Variants in BCL2L14 observed in about 807,000 individuals in gnomAD.
BCL2L14 encodes BCL2 like 14, also known as apoptosis facilitator Bcl-2-like protein 14.
Under a neutral mutation model 35.3 loss-of-function variants are expected in BCL2L14, and 27 were observed. That is an observed-to-expected ratio of 0.76 (90% CI 0.56 to 1.05). BCL2L14 has a LOEUF of 1.05. BCL2L14 is among the 50% of genes least tolerant of loss of function. BCL2L14 has a pLI of 0.00. For missense variants in BCL2L14, 377 were observed against 382.6 expected, an observed-to-expected ratio of 0.99 and a Z score of 0.12; for synonymous variants, 139 against 145.9, an observed-to-expected ratio of 0.95 and a Z score of 0.34.
At chr12:12,065,106 A>G (rs1948578860) in intron 2 of BCL2L14, among the ~76,000 whole-genome samples, 1 of 152,232 alleles carries the variant, frequency 6.6e-6, no homozygotes, top group Non-Finnish European at 1.5e-5. Flanking sequence ...TAGATTAACA[A>G]AAGAAAAACA....
At chr12:12,080,513 G>A (rs373369930) in intron 2 of BCL2L14, among the ~76,000 whole-genome samples, 8 of 151,928 alleles carry the variant, frequency 5.3e-5, no homozygotes, top group Middle Eastern at 3.4e-3. Flanking sequence ...CCAGCTACTC[G>A]GGAGGCTGGG....
At chr12:12,056,421 A>C (rs1948433596) in intron 2 of BCL2L14, among the ~76,000 whole-genome samples, 1 of 152,192 alleles carries the variant, frequency 6.6e-6, no homozygotes, top group Non-Finnish European at 1.5e-5. Context: ...CCTCATCTAT[A>C]GTAAGAAGCA....
upstream of BCL2L14, among the ~76,000 whole-genome samples, chr12:12,068,642 G>A (rs910266186): frequency 2.7e-5 from 4 of 150,584 alleles, no homozygotes; most frequent in Non-Finnish European, 4.4e-5. Flanking sequence ...CACTACATGC[G>A]TGAGTCATGC....
chr12:12,068,130 G>C, upstream of BCL2L14: 4 of 398,380 alleles, frequency 1.0e-5, no homozygotes, highest in Non-Finnish European at 1.8e-5. Context: ...TTTTTGTAGT[G>C]ATGGGGTTAT....
At chr12:12,097,083 T>G (rs1949329983) in intron 5 of BCL2L14, among the ~76,000 whole-genome samples, 1 of 152,108 alleles carries the variant, frequency 6.6e-6, no homozygotes, top group Admixed American at 6.6e-5. Flanking sequence ...AGGCGGAGCT[T>G]GCAGTGAGCC....
chr12:12,094,674 A>G lies in BCL2L14; in HGVS notation c.689A>G (p.Asp230Gly). The G allele has an allele frequency of 6.2e-7, 1 of 1,614,224 alleles. No individual in the cohort carries two copies. Among genetic ancestry groups the G allele is most frequent in the Non-Finnish European group, 8.5e-7 (1 of 1,180,036 alleles). The change falls in exon 5 of 6, where the codon GAT (aspartate) becomes GGT (glycine). Residue 230 changes from aspartate (D) to glycine (G), a missense_variant. Asp to Gly is a moderately conservative substitution (Grantham distance 94, BLOSUM62 -1). Coordinates refer to ENST00000308721, the MANE Select transcript of BCL2L14 (RefSeq NM_138723.2). ...TTCTTTTGTACACAGCTGAAGAAAG[A>G]TAAGGCTTTGATGGGCCACTTCCAG... Reference protein sequence around the residue: ...GDQLERKLKKDKALMGHFQDG... With the variant: ...GDQLERKLKKGKALMGHFQDG...
intron 5 of BCL2L14, chr12:12,095,472 C>T (rs1490321655): frequency 1.0e-6 from 1 of 985,216 alleles, no homozygotes; most frequent in Admixed American, 6.2e-5. Context: ...TGGTATCAGT[C>T]AAAACAGACC....
chr12:12,070,912 T>A (rs1948659535), upstream of BCL2L14: 1 of 152,102 alleles, frequency 6.6e-6, no homozygotes, highest in Non-Finnish European at 1.5e-5. Flanking sequence ...CAGGGCGTAA[T>A]AAGGAAGTGG....
At chr12:12,060,244 G>C (rs1948502245) in intron 2 of BCL2L14, among the ~76,000 whole-genome samples, 1 of 151,448 alleles carries the variant, frequency 6.6e-6, no homozygotes, top group Non-Finnish European at 1.5e-5. Context: ...AAGGTGGCTG[G>C]AGCTAAATTA....
intron 3 of BCL2L14, among the ~76,000 whole-genome samples, chr12:12,090,009 C>A (rs546929815): frequency 6.6e-6 from 1 of 152,214 alleles, no homozygotes; most frequent in Admixed American, 6.5e-5. Flanking sequence ...TGGCTCTATA[C>A]TTTCTAGCAA....
At chr12:12,078,267 G>T (rs1948824991) in intron 1 of BCL2L14, among the ~76,000 whole-genome samples, 1 of 152,154 alleles carries the variant, frequency 6.6e-6, no homozygotes, top group African/African-American at 2.4e-5. Context: ...AAGAGAGAGA[G>T]AGAGGAGAGA....
At chr12:12,063,277 A>G (rs542003948) in intron 2 of BCL2L14, among the ~76,000 whole-genome samples, 51 of 151,142 alleles carry the variant, frequency 3.4e-4, no homozygotes, top group African/African-American at 1.1e-3. Context: ...TAACTCTTGA[A>G]GTAAATAAAT....
intron 2 of BCL2L14, among the ~76,000 whole-genome samples, chr12:12,082,746 C>T (rs1299160020): frequency 6.6e-6 from 1 of 152,086 alleles, no homozygotes; most frequent in African/African-American, 2.4e-5. Context: ...AAAATGATTA[C>T]CTCCTAAGAA....
At chr12:12,092,570 A>G (rs1301958657) in intron 4 of BCL2L14, among the ~76,000 whole-genome samples, 1 of 152,140 alleles carries the variant, frequency 6.6e-6, no homozygotes, top group African/African-American at 2.4e-5. Flanking sequence ...TGCACCCGAG[A>G]GGGACAGGCA....
In BCL2L14 at chr12:12,099,020, G is replaced by A; in HGVS notation, c.*32G>A. 6.5e-7 allele frequency: 1 copy of A among 1,529,624 alleles called. No individual in the cohort carries two copies. The highest frequency in any genetic ancestry group is 9.1e-7 in the Non-Finnish European group (1 of 1,103,200). 94.8% of individuals were successfully genotyped at this position (1,529,624 alleles called of 1,614,324 possible). A position where few individuals can be genotyped will look rare whatever the true frequency, so the allele number is the denominator to read the frequency against. ...AGATTTGTCATCAGGAATACTCTTT[G>A]TCTACTGTGGTCCTGTGCACGTTGG... On this transcript the variant is annotated 3_prime_UTR_variant, in exon 6 of 6. Transcript: ENST00000308721.
At chr12:12,081,182 A>T (rs1317300513) in intron 2 of BCL2L14, among the ~76,000 whole-genome samples, 3 of 152,028 alleles carry the variant, frequency 2.0e-5, no homozygotes, top group Non-Finnish European at 4.4e-5. Flanking sequence ...GTGAGAGCCC[A>T]TCACGTCGAT....
chr12:12,061,423 G>T (rs1310270265), intron 2 of BCL2L14, among the ~76,000 whole-genome samples: 1 of 151,934 alleles, frequency 6.6e-6, no homozygotes, highest in Non-Finnish European at 1.5e-5. Flanking sequence ...GTTGTCACTC[G>T]CCTGCTACAG....
Position 12,079,309 on chromosome 12 carries a change from T to A in BCL2L14, c.4T>A (p.Cys2Ser), listed in dbSNP as rs971462263. Residue 2 changes from cysteine (C) to serine (S), a missense_variant, in exon 2 of 6, where the codon TGT becomes AGT. By Grantham distance (112) the Cys-to-Ser change is moderately radical. Coordinates refer to ENST00000308721, the MANE Select transcript of BCL2L14 (RefSeq NM_138723.2). M[C>S]STSGCDLEEI... ...ACTTTGTTGTTACAGGCCCAACATGTGTAGCACCAGTGGGTGTGACCTGGA... is the reference window on the plus strand; with the variant it reads ...ACTTTGTTGTTACAGGCCCAACATGAGTAGCACCAGTGGGTGTGACCTGGA... 3.7e-6 allele frequency: 6 copies of A among 1,613,080 alleles called. No individual in the cohort carries two copies. Among genetic ancestry groups the A allele is most frequent in the Non-Finnish European group, 5.1e-6 (6 of 1,179,496 alleles).
chr12:12,080,273 GTC>G (rs2136750414), intron 2 of BCL2L14, among the ~76,000 whole-genome samples: 1 of 151,838 alleles, frequency 6.6e-6, no homozygotes, highest in African/African-American at 2.4e-5. Flanking sequence ...TTTCTCCACT[GTC>G]TATAAATAAG....
Sources: gnomAD v4.1 joint callset for allele counts (sites outside exome capture counted in the v4.1 genomes callset) on GRCh38, gnomAD v4.1.1 for gene constraint, MANE v1.5 for transcripts, NCBI Gene and HGNC (gene_info 2026-07-23, HGNC 2026-07-21) for gene names.